Variants in NRP2 observed in about 807,000 individuals in gnomAD.
The protein encoded by NRP2 is neuropilin 2, also known as neuropilin-2.
Under a neutral mutation model 110.4 loss-of-function variants are expected in NRP2, and 52 were observed. That is an observed-to-expected ratio of 0.47 (90% CI 0.38 to 0.59). The LOEUF is 0.59. Among genes scored for constraint, NRP2 ranks in the 20% least tolerant of loss-of-function variants. NRP2 has a pLI of 0.00. For missense variants in NRP2, 1,049 were observed against 1,203.0 expected (o/e 0.87, Z 1.89); for synonymous variants, 508 against 468.9 (o/e 1.08, Z -1.08).
chr2:205,716,486 G>A (rs1013407324), intron 3 of NRP2, 112 bp downstream of exon 3: 9 of 1,090,376 alleles, frequency 8.3e-6, no homozygotes, highest in Non-Finnish European at 1.2e-5. Flanking sequence ...TCCAGCTTGA[G>A]CATGGTGAGA....
At chr2:205,720,069 G>A (rs1019762367) in intron 3 of NRP2, among the ~76,000 whole-genome samples, 8 of 152,120 alleles carry the variant, frequency 5.3e-5, no homozygotes, top group Non-Finnish European at 1.0e-4. Context: ...CCTGGCATCT[G>A]CTATTCAGCT....
intron 14 of NRP2, 108 bp downstream of exon 14, chr2:205,765,678 G>C: frequency 2.1e-6 from 2 of 938,558 alleles, no homozygotes; most frequent in Non-Finnish European, 3.5e-6. Flanking sequence ...TACCCAGTGG[G>C]TGGGGCAGCC....
chr2:205,744,972 C>T (rs185604161), intron 9 of NRP2, among the ~76,000 whole-genome samples: 2 of 152,290 alleles, frequency 1.3e-5, no homozygotes, highest in Non-Finnish European at 2.9e-5. Context: ...GAATTGTGGA[C>T]GCAGGGCATC....
chr2:205,704,891 A>G (rs2056643651), intron 2 of NRP2, among the ~76,000 whole-genome samples: 1 of 152,146 alleles, frequency 6.6e-6, no homozygotes, highest in South Asian at 2.1e-4. Flanking sequence ...ATGTAACTCC[A>G]TGTAATTCTC....
chr2:205,795,136 GA>G lies in NRP2; in HGVS notation c.*81del, dbSNP rs1389003673. On this transcript the variant is annotated 3_prime_UTR_variant, in exon 17 of 17. Transcript: ENST00000357785. ...GAAGATTACATTTTTTTTTCCTTTG[GA>G]AACTGAATGCCATAATCTCGATCAA... is the stretch of plus-strand genomic sequence containing the variant. The G allele has an allele frequency of 1.7e-5, 23 of 1,326,328 alleles. 1 individual carries two copies. The Admixed American group carries it at 4.1e-4, about 24-fold the overall frequency. The allele number at this position is 1,326,328 out of a possible 1,614,324, so 82.2% of individuals were successfully genotyped here. A position where few individuals can be genotyped will look rare whatever the true frequency, so the allele number is the denominator to read the frequency against.
At position 205,740,659 on chromosome 2, in the gene NRP2, C is replaced by T; in HGVS notation, c.1287C>T (p.Val429=). 1 of 1,614,090 alleles carries T rather than the reference C, an allele frequency of 6.2e-7. No individual in the cohort carries two copies. Among genetic ancestry groups the T allele is most frequent in the Non-Finnish European group, 8.5e-7 (1 of 1,180,016 alleles). ...GGCTGGAGCTCTTCGGCTGCCGGGT[C>T]ACAGGTGAGGTGGGGGCTCCAATGA... is the stretch of plus-strand genomic sequence containing the variant. ...ALRLELFGCR[V]TDAPCSNMLG... Residue 429 remains valine, a synonymous_variant, in exon 8 of 17, where the codon GTC becomes GTT. Coordinates refer to ENST00000357785, the MANE Select transcript of NRP2 (RefSeq NM_003872.3).
chr2:205,787,882 G>A (rs190668592), intron 15 of NRP2, among the ~76,000 whole-genome samples: 258 of 152,206 alleles, frequency 1.7e-3, no homozygotes, highest in African/African-American at 5.8e-3. Flanking sequence ...TGTTTCCCCT[G>A]AGCAGCATGT....
intron 2 of NRP2, among the ~76,000 whole-genome samples, chr2:205,698,710 T>C (rs772123703): frequency 3.3e-5 from 5 of 152,258 alleles, no homozygotes; most frequent in African/African-American, 9.6e-5. Context: ...CAGAAAAGAA[T>C]GTGCCAACAG....
chr2:205,760,318 C>T (rs2057800711), intron 12 of NRP2, among the ~76,000 whole-genome samples: 1 of 152,152 alleles, frequency 6.6e-6, no homozygotes, highest in South Asian at 2.1e-4. Context: ...TGCAGCTCAG[C>T]ATCTCTCTGA....
intron 2 of NRP2, among the ~76,000 whole-genome samples, chr2:205,711,689 G>A (rs539810226): frequency 3.3e-5 from 5 of 152,302 alleles, no homozygotes; most frequent in East Asian, 1.9e-4. Flanking sequence ...GTTCTGATAC[G>A]TAGACCCAAA....
Position 205,716,274 on chromosome 2 carries a change from C to A in NRP2, c.333C>A (p.Pro111=). The change falls in exon 3 of 17, where the codon CCC becomes CCA. Residue 111 remains proline, a synonymous_variant. Transcript: ENST00000357785. The part of the protein sequence containing the change: ...LGKHCGNIAP[P]TIISSGSMLY... The stretch of plus-strand genomic sequence containing the variant: ...AACACTGTGGGAACATCGCCCCGCC[C>A]ACCATCATCTCCTCGGGCTCCATGC... 1 of 1,614,216 alleles carries A rather than the reference C, an allele frequency of 6.2e-7. No homozygotes were observed. The highest frequency in any genetic ancestry group is 8.5e-7 in the Non-Finnish European group (1 of 1,180,038).
At chr2:205,765,939 A>G (rs556099603) in intron 14 of NRP2, among the ~76,000 whole-genome samples, 1 of 152,372 alleles carries the variant, frequency 6.6e-6, no homozygotes, top group African/African-American at 2.4e-5. Flanking sequence ...ATTTAATGGA[A>G]GCCTTCACTG....
At chr2:205,696,756 A>ACAGTGGGCACCACAG (rs2056436154) in intron 1 of NRP2, among the ~76,000 whole-genome samples, 2 of 152,232 alleles carry the variant, frequency 1.3e-5, no homozygotes, top group Admixed American at 1.3e-4. Flanking sequence ...ACCAGGCAGG[A>ACAGTGGGCACCACAG]GGGACAGTGG....
At chr2:205,776,302 A>G in intron 15 of NRP2, 1 of 1,613,252 alleles carries the variant, frequency 6.2e-7, no homozygotes, top group Non-Finnish European at 8.5e-7. Flanking sequence ...CATGCAGCCC[A>G]TCCCAGCCTA....
intron 7 of NRP2, among the ~76,000 whole-genome samples, chr2:205,732,583 G>A (rs2057261150): frequency 6.6e-6 from 1 of 152,246 alleles, no homozygotes; most frequent in African/African-American, 2.4e-5. Context: ...CTTGAGATCT[G>A]TAGATGGAAG....
chr2:205,744,356 A>T (rs1026241905), intron 9 of NRP2, among the ~76,000 whole-genome samples: 6 of 152,254 alleles, frequency 3.9e-5, no homozygotes, highest in African/African-American at 1.4e-4. Flanking sequence ...ACTTCCAAAA[A>T]TAACGATGTT....
chr2:205,706,156 G>C (rs993791050), intron 2 of NRP2, among the ~76,000 whole-genome samples: 4 of 151,970 alleles, frequency 2.6e-5, no homozygotes, highest in Non-Finnish European at 5.9e-5. Context: ...AAAGATGTGA[G>C]GGCCAGTAAT....
chr2:205,684,232 G>A (rs944209097), intron 1 of NRP2, among the ~76,000 whole-genome samples: 2 of 152,098 alleles, frequency 1.3e-5, no homozygotes, highest in South Asian at 2.1e-4. Flanking sequence ...CTCTGGAAAG[G>A]GGAATCCATG....
chr2:205,715,801 T>C (rs1336710617), intron 2 of NRP2, among the ~76,000 whole-genome samples: 4 of 152,106 alleles, frequency 2.6e-5, no homozygotes, highest in African/African-American at 9.7e-5. Context: ...AAGAAATTGA[T>C]GCTCAAAGGG....
Sources: allele counts gnomAD v4.1 joint callset (sites outside exome capture counted in the v4.1 genomes callset), GRCh38; gene constraint gnomAD v4.1.1; transcripts MANE v1.5; gene names NCBI Gene and HGNC (gene_info 2026-07-23, HGNC 2026-07-21).